Variants in MYO5B observed in about 807,000 individuals in gnomAD.
MYO5B encodes the protein unconventional myosin-Vb.
A neutral mutation model predicts 229.3 loss-of-function variants in MYO5B; 143 were observed. The observed-to-expected ratio is 0.62, with a 90% CI of 0.54 to 0.72. The LOEUF (loss-of-function observed/expected upper bound fraction) is 0.72, where lower values mean the gene tolerates loss of function less well. MYO5B is among the 30% of genes least tolerant of loss of function. MYO5B has a pLI of 0.00. For missense variants in MYO5B, 2,321 were observed against 2,331.0 expected (o/e 1.00, Z 0.09); for synonymous variants, 918 against 885.2 (o/e 1.04, Z -0.66).
At chr18:50,041,810 A>G (rs1007806597) in intron 2 of MYO5B, among the ~76,000 whole-genome samples, 9 of 152,210 alleles carry the variant, frequency 5.9e-5, no homozygotes, top group African/African-American at 2.2e-4. Flanking sequence ...AACCTATCAT[A>G]AAACCTACCA....
intron 8 of MYO5B, among the ~76,000 whole-genome samples, chr18:49,981,720 T>C (rs1362138902): frequency 6.6e-6 from 1 of 152,226 alleles, no homozygotes; most frequent in Non-Finnish European, 1.5e-5. Context: ...CGCTGGCTAC[T>C]ACACAGGCTG....
intron 17 of MYO5B, among the ~76,000 whole-genome samples, chr18:49,919,790 C>T (rs2025055384): frequency 6.6e-6 from 1 of 152,130 alleles, no homozygotes; most frequent in Non-Finnish European, 1.5e-5. Context: ...GAGAGTGTTA[C>T]CATATGACAC....
intron 16 of MYO5B, 51 bp downstream of exon 16, chr18:49,936,201 C>G: frequency 6.7e-7 from 1 of 1,492,174 alleles, no homozygotes; most frequent in Non-Finnish European, 9.2e-7. Flanking sequence ...CCCTGTTCCA[C>G]CTGAACCTCT....
chr18:50,041,905 T>G (rs1315675774), intron 2 of MYO5B, among the ~76,000 whole-genome samples: 1 of 151,970 alleles, frequency 6.6e-6, no homozygotes, highest in Non-Finnish European at 1.5e-5. Context: ...ATACAAAGAG[T>G]TATAAGAAAT....
At chr18:49,997,578 G>A (rs2026003294) in intron 5 of MYO5B, among the ~76,000 whole-genome samples, 1 of 151,830 alleles carries the variant, frequency 6.6e-6, no homozygotes, top group South Asian at 2.1e-4. Flanking sequence ...TCCTCTAACA[G>A]TCTCTTGATT....
chr18:49,942,396 A>AAAAAAAAAAAAC (rs2025325765), intron 14 of MYO5B, among the ~76,000 whole-genome samples: 1 of 134,012 alleles, frequency 7.5e-6, no homozygotes, highest in Non-Finnish European at 1.5e-5. Context: ...AAAAAAAAAA[A>AAAAAAAAAAAAC]AAAAAAAAAC....
intron 18 of MYO5B, among the ~76,000 whole-genome samples, chr18:49,910,422 C>G (rs776261438): frequency 6.6e-6 from 1 of 152,146 alleles, no homozygotes; most frequent in Non-Finnish European, 1.5e-5. Flanking sequence ...AATCAGCTGA[C>G]CTTTAACAGA....
chr18:50,154,702 C>A (rs1269902537), intron 1 of MYO5B, among the ~76,000 whole-genome samples: 2 of 152,156 alleles, frequency 1.3e-5, no homozygotes, highest in Non-Finnish European at 1.5e-5. Flanking sequence ...CTAATTGGGA[C>A]AGGATGACAC....
chr18:50,122,776 TC>T (rs998938234), intron 1 of MYO5B, among the ~76,000 whole-genome samples: 14 of 151,890 alleles, frequency 9.2e-5, no homozygotes, highest in African/African-American at 3.4e-4. Flanking sequence ...CCATTTTACA[TC>T]CACTAGGATG....
rs1226122353 is a variant in MYO5B at position 50,190,034 on chromosome 18, G to GA, written c.27+4732dup. Among the ~76,000 whole-genome samples, 16 of 152,166 alleles carry GA rather than the reference G, an allele frequency of 1.1e-4. 1 individual carries two copies. The South Asian group carries it at 3.1e-3, about 30-fold the overall frequency. On this transcript the variant is annotated intron_variant, in intron 1 of 39. Transcript: ENST00000285039. ...TACCTATCAATTAGAAGCCAAGCAGGAAAAAAGGTTATTTGAAGGCACTGG... is the reference window on the plus strand; with the variant it reads ...TACCTATCAATTAGAAGCCAAGCAGGAAAAAAAGGTTATTTGAAGGCACTGG...
At chr18:50,045,462 T>C (rs1254499951) in intron 2 of MYO5B, among the ~76,000 whole-genome samples, 1 of 152,172 alleles carries the variant, frequency 6.6e-6, no homozygotes, top group African/African-American at 2.4e-5. Context: ...GAGGCAATCT[T>C]GACTAACTGC....
chr18:49,928,629 A>C (rs2025155771), intron 17 of MYO5B, among the ~76,000 whole-genome samples: 1 of 152,154 alleles, frequency 6.6e-6, no homozygotes, highest in Non-Finnish European at 1.5e-5. Context: ...TTGGGTATCT[A>C]CCCAGAGGAA....
intron 22 of MYO5B, among the ~76,000 whole-genome samples, chr18:49,884,648 A>G (rs2024623680): frequency 6.6e-6 from 1 of 152,128 alleles, no homozygotes; most frequent in Non-Finnish European, 1.5e-5. Context: ...GTAAATACAG[A>G]TGAAGCCTTG....
At chr18:49,916,042 C>T (rs539968337) in intron 17 of MYO5B, among the ~76,000 whole-genome samples, 6 of 152,314 alleles carry the variant, frequency 3.9e-5, no homozygotes, top group African/African-American at 1.2e-4. Flanking sequence ...CGCTCAGGTG[C>T]GGGCTCCCCC....
chr18:49,937,083 A>T (rs1190906953), intron 15 of MYO5B, among the ~76,000 whole-genome samples, 162 bp downstream of exon 15: 1 of 152,070 alleles, frequency 6.6e-6, no homozygotes, highest in Non-Finnish European at 1.5e-5. Flanking sequence ...AAGGTATTGG[A>T]GTTTCCTTCT....
intron 1 of MYO5B, among the ~76,000 whole-genome samples, chr18:50,074,822 G>GT (rs1272681088): frequency 6.7e-6 from 1 of 149,058 alleles, no homozygotes; most frequent in Admixed American, 6.6e-5. Context: ...TTTTTTGGGG[G>GT]TTTTTTTGTT....
At chr18:49,850,027 A>G (rs1274605910) in intron 31 of MYO5B, 1 of 364,286 alleles carries the variant, frequency 2.7e-6, no homozygotes, top group Non-Finnish European at 5.3e-6. Flanking sequence ...GCGCCCTGGG[A>G]AGGAACGGAC....
chr18:49,958,457 T>C (rs1049685981), intron 12 of MYO5B, among the ~76,000 whole-genome samples: 1 of 152,144 alleles, frequency 6.6e-6, no homozygotes, highest in Non-Finnish European at 1.5e-5. Flanking sequence ...CATGGGGAAA[T>C]AGAAGCTGTC....
At chr18:49,893,106 G>T (rs1380252627) in intron 22 of MYO5B, among the ~76,000 whole-genome samples, 1 of 152,146 alleles carries the variant, frequency 6.6e-6, no homozygotes, top group African/African-American at 2.4e-5. Flanking sequence ...TGGAGACTTG[G>T]GTGTTTAGAG....
Sources: gnomAD v4.1 joint callset for allele counts (sites outside exome capture counted in the v4.1 genomes callset) on GRCh38, gnomAD v4.1.1 for gene constraint, MANE v1.5 for transcripts, NCBI Gene and HGNC (gene_info 2026-07-23, HGNC 2026-07-21) for gene names.